CBFA2T3: variants seen among roughly 807,000 people sequenced by gnomAD.
CBFA2T3 encodes transcriptional corepressor CBFA2T3.
CBFA2T3 carries 31 observed loss-of-function variants against 58.6 expected under a neutral mutation model. The ratio of observed to expected loss-of-function variants is 0.53; its 90% confidence interval spans 0.40 to 0.71. The LOEUF (loss-of-function observed/expected upper bound fraction) is 0.71, where lower values mean the gene tolerates loss of function less well. CBFA2T3 is among the 30% of genes least tolerant of loss of function. The pLI is 0.00. For missense variants in CBFA2T3, 1,076 were observed against 963.1 expected (o/e 1.12, Z -1.55); for synonymous variants, 531 against 421.9 (o/e 1.26, Z -3.17).
At position 88,940,988 on chromosome 16, in the gene CBFA2T3, G is replaced by A. The variant is rs1051063783; in HGVS notation, c.151+35669C>T. The A allele has an allele frequency of 4.8e-5, 46 of 957,972 alleles. No homozygotes were observed. In the African/African-American group the frequency reaches 7.2e-4, roughly 15 times the overall value. The allele number at this position is 957,972 out of a possible 1,614,324, so 59.3% of individuals were successfully genotyped here. A position where few individuals can be genotyped will look rare whatever the true frequency, so the allele number is the denominator to read the frequency against. On this transcript the variant is annotated intron_variant, in intron 1 of 11. Transcript: ENST00000268679. ...CCGCGGGCGGAGTCGGGGTAGAGCG[G>A]CGGCGGCGCGCGGGGCGGACACGGC... is the stretch of plus-strand genomic sequence containing the variant.
At chr16:88,897,287 C>T (rs777447214) in intron 3 of CBFA2T3, among the ~76,000 whole-genome samples, 1 of 152,260 alleles carries the variant, frequency 6.6e-6, no homozygotes, top group Non-Finnish European at 1.5e-5. Context: ...CCCTGTGCAA[C>T]AGAAACAACG....
intron 1 of CBFA2T3, among the ~76,000 whole-genome samples, chr16:88,934,841 G>C (rs1200997438): frequency 6.6e-6 from 1 of 152,200 alleles, no homozygotes; most frequent in African/African-American, 2.4e-5. Context: ...CCGGGTTCAC[G>C]CTATTCTCCT....
intron 1 of CBFA2T3, among the ~76,000 whole-genome samples, chr16:88,969,251 C>T (rs779760221): frequency 1.5e-4 from 23 of 152,300 alleles, no homozygotes; most frequent in South Asian, 4.1e-4. Flanking sequence ...TCTGTGAAGT[C>T]GGGACTTTCT....
intron 1 of CBFA2T3, among the ~76,000 whole-genome samples, chr16:88,918,376 TC>T (rs1970807634): frequency 6.6e-6 from 1 of 152,110 alleles, no homozygotes; most frequent in South Asian, 2.1e-4. Context: ...GGGGCCCTGA[TC>T]CCCCTGCCTT....
chr16:88,891,473 T>C (rs576573500), intron 5 of CBFA2T3, among the ~76,000 whole-genome samples: 1 of 152,322 alleles, frequency 6.6e-6, no homozygotes, highest in African/African-American at 2.4e-5. Flanking sequence ...AGGAGGGACC[T>C]GCTGCATGTC....
chr16:88,892,734 C>T (rs189016722), intron 3 of CBFA2T3, among the ~76,000 whole-genome samples: 3 of 152,186 alleles, frequency 2.0e-5, no homozygotes, highest in African/African-American at 7.2e-5. Flanking sequence ...ACACACACCC[C>T]CTTACAGACC....
intron 1 of CBFA2T3, among the ~76,000 whole-genome samples, chr16:88,914,677 C>G (rs1300344079): frequency 2.0e-5 from 3 of 152,198 alleles, no homozygotes; most frequent in African/African-American, 7.2e-5. Flanking sequence ...TGCCCTGACC[C>G]TCTGCCCTGC....
intron 1 of CBFA2T3, among the ~76,000 whole-genome samples, chr16:88,925,545 G>T (rs4039574): frequency 0.062 from 9,398 of 152,224 alleles, 559 homozygotes; most frequent in African/African-American, 0.15. Flanking sequence ...GACTCTGAGG[G>T]TGGCAGGCGG....
At chr16:88,909,590 C>T (rs1347675656) in intron 1 of CBFA2T3, among the ~76,000 whole-genome samples, 21 of 152,222 alleles carry the variant, frequency 1.4e-4, no homozygotes, top group Admixed American at 1.2e-3. Flanking sequence ...GCGGCTGGGA[C>T]GGAGGACGCC....
intron 1 of CBFA2T3, among the ~76,000 whole-genome samples, chr16:88,916,887 G>A (rs1264074914): frequency 6.6e-6 from 1 of 152,012 alleles, no homozygotes. Flanking sequence ...CCAACAGAGG[G>A]GAGGGCAGGG....
At chr16:88,905,593 C>G (rs1000459242) in intron 1 of CBFA2T3, among the ~76,000 whole-genome samples, 6 of 150,908 alleles carry the variant, frequency 4.0e-5, no homozygotes, top group Non-Finnish European at 8.9e-5. Flanking sequence ...CCCCAGCCCC[C>G]GCTTAGGGGC....
At position 88,904,583 on chromosome 16, in the gene CBFA2T3, C is replaced by T. The variant is rs577499357; in HGVS notation, c.152-2927G>A. 2.8e-3 allele frequency among the ~76,000 whole-genome samples: 425 copies of T among 152,352 alleles called. 1 individual carries two copies. Among genetic ancestry groups the T allele is most frequent in the African/African-American group, 9.3e-3 (385 of 41,576 alleles). ...TCTGGGATTCAAACCTGAGGCCGAA[C>T]GGAGGCTGCAGGGGCAGGAGGCCCC... On this transcript the variant is annotated intron_variant, in intron 1 of 11. Coordinates refer to ENST00000268679, the MANE Select transcript of CBFA2T3 (RefSeq NM_005187.6).
chr16:88,894,131 A>AC (rs146727546), intron 3 of CBFA2T3, among the ~76,000 whole-genome samples: 10 of 148,658 alleles, frequency 6.7e-5, no homozygotes, highest in East Asian at 1.9e-4. Flanking sequence ...GCCTCCACTC[A>AC]CCCCCCACCA....
At chr16:88,964,069 AG>A (rs1213109387) in intron 1 of CBFA2T3, among the ~76,000 whole-genome samples, 6 of 152,200 alleles carry the variant, frequency 3.9e-5, no homozygotes, top group African/African-American at 1.4e-4. Flanking sequence ...GGGTCTTTAA[AG>A]GGCCACGCAC....
intron 1 of CBFA2T3, among the ~76,000 whole-genome samples, chr16:88,902,020 G>A (rs1026658327): frequency 2.0e-5 from 3 of 152,178 alleles, no homozygotes; most frequent in Admixed American, 1.3e-4. Context: ...AGCATCCCCC[G>A]GGGGGTGTTC....
chr16:88,929,859 C>A (rs9937666), intron 1 of CBFA2T3, among the ~76,000 whole-genome samples: 131 of 110,648 alleles, frequency 1.2e-3, no homozygotes, highest in African/African-American at 1.9e-3. Context: ...AAAAGCTACC[C>A]ATGCCCACAG....
chr16:88,893,851 C>A (rs370096955), intron 3 of CBFA2T3, among the ~76,000 whole-genome samples: 40 of 152,306 alleles, frequency 2.6e-4, no homozygotes, highest in East Asian at 7.7e-4. Flanking sequence ...GCCTGGGACA[C>A]CCGCACCCCG....
At chr16:88,932,254 C>T (rs540519278) in intron 1 of CBFA2T3, among the ~76,000 whole-genome samples, 4 of 139,980 alleles carry the variant, frequency 2.9e-5, no homozygotes, top group Non-Finnish European at 4.6e-5. Flanking sequence ...CCCCCTCACA[C>T]GGCCCCCACT....
At chr16:88,975,155 T>G (rs4782490) in intron 1 of CBFA2T3, among the ~76,000 whole-genome samples, 28,295 of 111,750 alleles carry the variant, frequency 0.25, 4,335 homozygotes, top group African/African-American at 0.4. Context: ...ATGTCAGAGG[T>G]CCACCCTGAC....
Sources: gnomAD v4.1 joint callset for allele counts (sites outside exome capture counted in the v4.1 genomes callset) on GRCh38, gnomAD v4.1.1 for gene constraint, MANE v1.5 for transcripts, NCBI Gene and HGNC (gene_info 2026-07-23, HGNC 2026-07-21) for gene names.